The following TMPRSS15 variants were observed in gnomAD, a reference collection of about 807,000 sequenced individuals.
The protein encoded by TMPRSS15 is enteropeptidase.
A neutral mutation model predicts 125.3 loss-of-function variants in TMPRSS15; 128 were observed. The ratio of observed to expected loss-of-function variants is 1.02; its 90% CI spans 0.89 to 1.18. The LOEUF is 1.18. Among genes scored for constraint, TMPRSS15 ranks in the 50% most tolerant of loss-of-function variants. The pLI, the probability that TMPRSS15 is intolerant of heterozygous loss-of-function variation, is 0.00. For synonymous variants in TMPRSS15, 446 were observed against 423.2 expected (o/e 1.05, Z -0.66); for missense variants, 1,283 against 1,212.7 (o/e 1.06, Z -0.86).
intron 1 of TMPRSS15, among the ~76,000 whole-genome samples, chr21:18,476,326 AT>A (rs1179867136): frequency 6.6e-6 from 1 of 152,138 alleles, no homozygotes; most frequent in Non-Finnish European, 1.5e-5. Context: ...ATGACCTCAA[AT>A]TGCAACCCTA....
At chr21:18,367,152 C>T (rs1275160580) in intron 6 of TMPRSS15, among the ~76,000 whole-genome samples, 1 of 150,858 alleles carries the variant, frequency 6.6e-6, no homozygotes, top group Non-Finnish European at 1.5e-5. Context: ...ACCTGATTTC[C>T]AGAAGAAAAA....
chr21:18,322,497 AAG>A (rs2075249065), intron 16 of TMPRSS15, among the ~76,000 whole-genome samples: 2 of 152,182 alleles, frequency 1.3e-5, no homozygotes, highest in Non-Finnish European at 2.9e-5. Context: ...AACAGATGAA[AAG>A]AGAGAGAGAA....
chr21:18,270,265 C>A (rs756320357), intron 24 of TMPRSS15, 141 bp from the exon 25 acceptor site: 9 of 660,340 alleles, frequency 1.4e-5, no homozygotes, highest in Middle Eastern at 9.5e-4. Context: ...TATATATTCT[C>A]ACTTTCACTC....
At chr21:18,306,482 TA>T (rs930816420) in intron 18 of TMPRSS15, among the ~76,000 whole-genome samples, 1 of 152,202 alleles carries the variant, frequency 6.6e-6, no homozygotes, top group African/African-American at 2.4e-5. Flanking sequence ...TGTTTCTTAT[TA>T]GCATTTGAGA....
At chr21:18,337,274 A>G (rs2075401530) in intron 13 of TMPRSS15, among the ~76,000 whole-genome samples, 1 of 152,212 alleles carries the variant, frequency 6.6e-6, no homozygotes, top group Non-Finnish European at 1.5e-5. Context: ...TGTGGAAATA[A>G]AGAGTGAATA....
At chr21:18,325,079 C>G (rs1460150055) in intron 16 of TMPRSS15, among the ~76,000 whole-genome samples, 1 of 151,954 alleles carries the variant, frequency 6.6e-6, no homozygotes, top group Non-Finnish European at 1.5e-5. Context: ...TCGCCACACA[C>G]ACACACACAC....
intron 1 of TMPRSS15, among the ~76,000 whole-genome samples, chr21:18,451,407 A>G (rs765437815): frequency 2.0e-5 from 3 of 152,148 alleles, no homozygotes; most frequent in Non-Finnish European, 4.4e-5. Flanking sequence ...GTTGTTAATC[A>G]AATATAAAAA....
chr21:18,371,597 C>T lies in TMPRSS15; in HGVS notation c.664+596G>A, dbSNP rs114660727. On this transcript the variant is annotated intron_variant, in intron 6 of 24. Coordinates refer to ENST00000284885, the MANE Select transcript of TMPRSS15 (RefSeq NM_002772.3). ...TATTGTCATTAACACTCAAAAAATG[C>T]CAAAATATACAAATGAAACACAGAA... Among the ~76,000 whole-genome samples the T allele has an allele frequency of 2.6e-3, 397 of 152,048 alleles. 7 individuals carry two copies. The highest frequency in any genetic ancestry group is 8.8e-3 in the African/African-American group (365 of 41,474).
At chr21:18,348,392 T>G (rs79553543) in intron 10 of TMPRSS15, among the ~76,000 whole-genome samples, 1 of 152,158 alleles carries the variant, frequency 6.6e-6, no homozygotes, top group African/African-American at 2.4e-5. Context: ...GATATAGAGA[T>G]AGCAGAAACT....
intron 3 of TMPRSS15, among the ~76,000 whole-genome samples, chr21:18,394,274 G>A (rs2076014363): frequency 1.3e-5 from 2 of 151,980 alleles, no homozygotes; most frequent in Non-Finnish European, 1.5e-5. Context: ...TAGAATTTTA[G>A]GGATATTAAC....
chr21:18,447,990 T>A (rs990109396), intron 1 of TMPRSS15, among the ~76,000 whole-genome samples: 1 of 152,172 alleles, frequency 6.6e-6, no homozygotes, highest in East Asian at 1.9e-4. Flanking sequence ...ATGTGGAGAA[T>A]GAGAATTCTT....
At chr21:18,383,398 C>G (rs147841309) in intron 4 of TMPRSS15, among the ~76,000 whole-genome samples, 1 of 151,512 alleles carries the variant, frequency 6.6e-6, no homozygotes. Flanking sequence ...TGCATGCCAA[C>G]ACTCTCAGAA....
Position 18,336,737 on chromosome 21 carries a change from C to T in TMPRSS15, c.1565-4564G>A, listed in dbSNP as rs137905128. Among the ~76,000 whole-genome samples, 372 of 152,220 alleles carry T rather than the reference C, an allele frequency of 2.4e-3. 3 individuals carry two copies. The highest frequency in any genetic ancestry group is 4.5e-3 in the Non-Finnish European group (305 of 68,012). ...TGCTGTGGCTATTCACAAGCATGAT[C>T]GTAGTGCACCCGAGCCTTGAACTCC... is the stretch of plus-strand genomic sequence containing the variant. On this transcript the variant is annotated intron_variant, in intron 13 of 24. Transcript: ENST00000284885.
intron 3 of TMPRSS15, among the ~76,000 whole-genome samples, chr21:18,388,559 C>T (rs2075965319): frequency 6.6e-6 from 1 of 152,154 alleles, no homozygotes; most frequent in East Asian, 1.9e-4. Flanking sequence ...GGACACTGTG[C>T]TTTCTGTATG....
chr21:18,458,683 C>T (rs1569072996), intron 1 of TMPRSS15, among the ~76,000 whole-genome samples: 1 of 152,128 alleles, frequency 6.6e-6, no homozygotes, highest in Non-Finnish European at 1.5e-5. Context: ...TTCACAGCCA[C>T]AGAATGGATT....
intron 1 of TMPRSS15, among the ~76,000 whole-genome samples, chr21:18,425,755 T>C (rs2076201373): frequency 6.6e-6 from 1 of 152,052 alleles, no homozygotes; most frequent in Non-Finnish European, 1.5e-5. Flanking sequence ...TGGGAGAAAA[T>C]GCTTAAAAAA....
chr21:18,303,318 GA>G (rs2074993405), intron 18 of TMPRSS15, among the ~76,000 whole-genome samples: 1 of 151,688 alleles, frequency 6.6e-6, no homozygotes, highest in African/African-American at 2.4e-5. Context: ...AATCATGGGG[GA>G]AAAAAGAAAG....
In TMPRSS15 at chr21:18,403,652, A is replaced by G; in HGVS notation, c.-30T>C. 6.2e-7 allele frequency: 1 copy of G among 1,613,748 alleles called. No individual in the cohort carries two copies. Among genetic ancestry groups the G allele is most frequent in the Non-Finnish European group, 8.5e-7 (1 of 1,179,730 alleles). On this transcript the variant is annotated 5_prime_UTR_variant, in exon 1 of 25. Coordinates refer to ENST00000284885, the MANE Select transcript of TMPRSS15 (RefSeq NM_002772.3). Reference sequence around the variant, plus strand: ...GGTTTTGAAGGCTTGCTAATTTAAGAACTGAAAGAGAATATAAATAATTCT... The same window carrying G: ...GGTTTTGAAGGCTTGCTAATTTAAGGACTGAAAGAGAATATAAATAATTCT...
chr21:18,276,917 C>A (rs370217177), intron 23 of TMPRSS15, among the ~76,000 whole-genome samples: 1 of 151,832 alleles, frequency 6.6e-6, no homozygotes, highest in East Asian at 1.9e-4. Context: ...TGTACCACCA[C>A]GCCTGGCTAA....
Sources: allele counts gnomAD v4.1 joint callset (sites outside exome capture counted in the v4.1 genomes callset), GRCh38; gene constraint gnomAD v4.1.1; transcripts MANE v1.5; gene names NCBI Gene and HGNC (gene_info 2026-07-23, HGNC 2026-07-21).